GRM7: variants seen among roughly 807,000 people sequenced by gnomAD.
GRM7 encodes the protein glutamate metabotropic receptor 7.
Under a neutral mutation model 84.5 loss-of-function variants are expected in GRM7, and 35 were observed. The ratio of observed to expected loss-of-function variants is 0.41; its 90% CI spans 0.32 to 0.55. The LOEUF (loss-of-function observed/expected upper bound fraction) is 0.55. Ranked by LOEUF, GRM7 falls within the 20% of genes least tolerant of loss-of-function variation. The pLI, the probability that GRM7 is intolerant of heterozygous loss-of-function variation, is 0.19. For missense variants in GRM7, 1,003 were observed against 1,194.6 expected (o/e 0.84, Z 2.36); for synonymous variants, 487 against 455.1 (o/e 1.07, Z -0.89).
Position 7,076,964 on chromosome 3 carries a change from AT to A in GRM7, c.520-69487del, listed in dbSNP as rs199592958. Among the ~76,000 whole-genome samples the A allele has an allele frequency of 6.0e-3, 911 of 152,302 alleles. 5 individuals carry two copies. Among genetic ancestry groups the A allele is most frequent in the African/African-American group, 0.021 (854 of 41,564 alleles). On this transcript the variant is annotated intron_variant, in intron 1 of 9. Coordinates refer to ENST00000357716, the MANE Select transcript of GRM7 (RefSeq NM_000844.4). ...AGATATTTATGCAGCCAACAAACAT[AT>A]GAAAAAATGCTCATCATCACTGGTC...
intron 1 of GRM7, among the ~76,000 whole-genome samples, chr3:7,122,575 G>A (rs1365682457): frequency 6.6e-6 from 1 of 152,142 alleles, no homozygotes; most frequent in African/African-American, 2.4e-5. Flanking sequence ...TTACCAGGTT[G>A]ACTTTCTTTT....
At chr3:7,594,412 T>TC (rs1695941164) in intron 8 of GRM7, among the ~76,000 whole-genome samples, 1 of 152,156 alleles carries the variant, frequency 6.6e-6, no homozygotes, top group Non-Finnish European at 1.5e-5. Context: ...AACTGCACCC[T>TC]GTAGCCCTGC....
intron 4 of GRM7, among the ~76,000 whole-genome samples, chr3:7,348,457 A>G (rs192809648): frequency 6.6e-6 from 1 of 152,276 alleles, no homozygotes; most frequent in East Asian, 1.9e-4. Flanking sequence ...TTAAATGCTC[A>G]TGTTATCCCA....
rs1201851611 is a variant in GRM7, at chr3:7,191,383, ACAT to A, written c.736+44718_736+44720del. On this transcript the variant is annotated intron_variant, in intron 2 of 9. Coordinates refer to ENST00000357716, the MANE Select transcript of GRM7 (RefSeq NM_000844.4). ...AATAACTATTTGTTAATGAATTAAG[ACAT>A]CACCGTTAGTAGAAATCCCACCCCT... is the stretch of plus-strand genomic sequence containing the variant. 7.9e-5 allele frequency among the ~76,000 whole-genome samples: 12 copies of A among 152,210 alleles called. No homozygotes were observed. In the East Asian group the frequency reaches 2.3e-3, roughly 29 times the overall value.
intron 8 of GRM7, among the ~76,000 whole-genome samples, chr3:7,605,374 C>T (rs185789897): frequency 1.0e-3 from 152 of 152,006 alleles, no homozygotes; most frequent in Non-Finnish European, 1.9e-3. Context: ...GCATGCAAAA[C>T]GAGATAATAA....
intron 2 of GRM7, among the ~76,000 whole-genome samples, chr3:7,250,507 GT>G (rs1342601132): frequency 1.8e-5 from 2 of 110,426 alleles, no homozygotes; most frequent in African/African-American, 6.8e-5. Flanking sequence ...ATTTATATTT[GT>G]TTATTTATTT....
chr3:7,592,374 G>C (rs1273492425), intron 8 of GRM7, among the ~76,000 whole-genome samples: 1 of 152,154 alleles, frequency 6.6e-6, no homozygotes, highest in African/African-American at 2.4e-5. Flanking sequence ...AAGACATAAA[G>C]AAGCAAACCA....
At chr3:7,147,023 C>T (rs1008662785) in intron 2 of GRM7, among the ~76,000 whole-genome samples, 1 of 152,164 alleles carries the variant, frequency 6.6e-6, no homozygotes, top group African/African-American at 2.4e-5. Flanking sequence ...CTCTGCCTCT[C>T]TCCAAAATGG....
chr3:7,178,688 A>T (rs1290849881), intron 2 of GRM7, among the ~76,000 whole-genome samples: 3 of 152,184 alleles, frequency 2.0e-5, no homozygotes, highest in African/African-American at 4.8e-5. Flanking sequence ...GGCCTAACAC[A>T]GTTGGGTTTT....
In GRM7 at chr3:7,002,886, C is replaced by A. The variant is rs1403321243; in HGVS notation, c.519+140979C>A. Among the ~76,000 whole-genome samples the A allele has an allele frequency of 3.9e-5, 6 of 152,076 alleles. No homozygotes were observed. In the South Asian group the frequency reaches 8.3e-4, roughly 21 times the overall value. On this transcript the variant is annotated intron_variant, in intron 1 of 9. Coordinates refer to ENST00000357716, the MANE Select transcript of GRM7 (RefSeq NM_000844.4). Reference sequence around the variant, plus strand: ...GATAAAGAAAATGTGGTATATTACACAATGGAATACTATACAGCCTTAAAA... The same window carrying A: ...GATAAAGAAAATGTGGTATATTACAAAATGGAATACTATACAGCCTTAAAA...
At chr3:7,739,761 A>G (rs1261447444) in intron 9 of GRM7, among the ~76,000 whole-genome samples, 1 of 152,220 alleles carries the variant, frequency 6.6e-6, no homozygotes, top group Non-Finnish European at 1.5e-5. Context: ...GGGAAAACAA[A>G]TGTAGAGTGT....
intron 5 of GRM7, among the ~76,000 whole-genome samples, chr3:7,435,096 G>A (rs1462954977): frequency 1.3e-5 from 2 of 150,804 alleles, no homozygotes; most frequent in Non-Finnish European, 3.0e-5. Flanking sequence ...TGTTCATAAT[G>A]TTTCTTATTA....
At chr3:7,350,572 A>G (rs927807414) in intron 4 of GRM7, among the ~76,000 whole-genome samples, 2 of 151,834 alleles carry the variant, frequency 1.3e-5, no homozygotes, top group Non-Finnish European at 2.9e-5. Flanking sequence ...AGCCAATTAA[A>G]CCTCTTTTCT....
rs552201887 is a variant in GRM7 at position 6,863,730 on chromosome 3, T to G, written c.519+1823T>G. Among the ~76,000 whole-genome samples, 9 of 152,238 alleles carry G rather than the reference T, an allele frequency of 5.9e-5. No homozygotes were observed. Among genetic ancestry groups the G allele is most frequent in the Middle Eastern group, 6.8e-3 (2 of 294 alleles). ...GTCAGAGACATTACCTGAGAACCAC[T>G]GGGGGCTGGGGTAGGTTACAGTGTT... On this transcript the variant is annotated intron_variant, in intron 1 of 9. Transcript: ENST00000357716. The surrounding 1 kb of genome is among the most constrained non-coding windows in gnomAD (Gnocchi z 4.8).
At chr3:7,499,405 C>A in intron 7 of GRM7, among the ~76,000 whole-genome samples, 1 of 152,124 alleles carries the variant, frequency 6.6e-6, no homozygotes, top group East Asian at 1.9e-4. Context: ...ATTTGCAGAC[C>A]TTTACAAAAC....
At chr3:6,994,439 A>T (rs1467734473) in intron 1 of GRM7, among the ~76,000 whole-genome samples, 2 of 152,198 alleles carry the variant, frequency 1.3e-5, no homozygotes, top group African/African-American at 4.8e-5. Context: ...ACATAGTCTT[A>T]GTTGCCCTTA....
intron 1 of GRM7, among the ~76,000 whole-genome samples, chr3:6,978,384 C>G (rs975297536): frequency 6.6e-6 from 1 of 152,116 alleles, no homozygotes; most frequent in Admixed American, 6.6e-5. Flanking sequence ...GAGAACACAT[C>G]TCTGTTGTCT....
At chr3:7,623,127 C>T (rs1184308774) in intron 8 of GRM7, among the ~76,000 whole-genome samples, 1 of 152,122 alleles carries the variant, frequency 6.6e-6, no homozygotes, top group Non-Finnish European at 1.5e-5. Context: ...TAAAGGCACA[C>T]ACGAGAAGTA....
At chr3:6,927,676 CATTTT>C (rs1697362500) in intron 1 of GRM7, among the ~76,000 whole-genome samples, 1 of 152,064 alleles carries the variant, frequency 6.6e-6, no homozygotes, top group African/African-American at 2.4e-5. Flanking sequence ...TAAATCTACT[CATTTT>C]ATACACAGTT....
Sources: gnomAD v4.1 joint callset for allele counts (sites outside exome capture counted in the v4.1 genomes callset) on GRCh38, gnomAD v4.1.1 for gene constraint, Gnocchi (gnomAD v3.1) non-coding constraint, MANE v1.5 for transcripts, NCBI Gene and HGNC (gene_info 2026-07-23, HGNC 2026-07-21) for gene names.